The following ATP9B variants were observed in gnomAD, a reference collection of about 807,000 sequenced individuals.
ATP9B encodes probable phospholipid-transporting ATPase IIB.
A neutral mutation model predicts 146.1 loss-of-function variants in ATP9B; 110 were observed. That is an observed-to-expected ratio of 0.75 (90% CI 0.65 to 0.88). ATP9B has a LOEUF of 0.88. Among genes scored for constraint, ATP9B ranks in the 40% least tolerant of loss-of-function variants. The pLI, the probability that ATP9B is intolerant of heterozygous loss-of-function variation, is 0.00. For synonymous variants in ATP9B, 604 were observed against 569.7 expected (o/e 1.06, Z -0.86); for missense variants, 1,499 against 1,496.4 (o/e 1.00, Z -0.03).
At chr18:79,317,722 G>A (rs956876061) in intron 15 of ATP9B, among the ~76,000 whole-genome samples, 2 of 152,194 alleles carry the variant, frequency 1.3e-5, no homozygotes, top group African/African-American at 4.8e-5. Context: ...TGGCAGCAGT[G>A]GGATGACTGC....
At chr18:79,100,945 C>T (rs1243504915) in intron 2 of ATP9B, among the ~76,000 whole-genome samples, 5 of 152,170 alleles carry the variant, frequency 3.3e-5, no homozygotes, top group Non-Finnish European at 7.4e-5. Context: ...TCAATCACCT[C>T]CCACAACAGG....
At chr18:79,348,938 C>T (rs547318222) in intron 25 of ATP9B, among the ~76,000 whole-genome samples, 4 of 152,336 alleles carry the variant, frequency 2.6e-5, no homozygotes, top group Admixed American at 6.5e-5. Flanking sequence ...GAGCTAAGAT[C>T]GTGCCATTGC....
At chr18:79,074,854 T>G (rs1262272097) in intron 1 of ATP9B, among the ~76,000 whole-genome samples, 2 of 152,244 alleles carry the variant, frequency 1.3e-5, no homozygotes, top group African/African-American at 2.4e-5. Flanking sequence ...CATTATTTTC[T>G]GAAGTTGGGT....
chr18:79,169,229 TG>T (rs2095032297), intron 7 of ATP9B, among the ~76,000 whole-genome samples: 1 of 152,208 alleles, frequency 6.6e-6, no homozygotes, highest in Non-Finnish European at 1.5e-5. Context: ...TTTCTGAGGC[TG>T]GGCTATTTGT....
chr18:79,214,012 A>C lies in ATP9B; in HGVS notation c.1081A>C (p.Met361Leu). 6.2e-7 allele frequency: 1 copy of C among 1,603,920 alleles called. No homozygotes were observed. Among genetic ancestry groups the C allele is most frequent in the South Asian group, 1.1e-5 (1 of 88,984 alleles). The change falls in exon 11 of 30, where the codon ATG becomes CTG. Residue 361 changes from methionine (M) to leucine (L), a missense_variant. Physicochemically the swap from Met to Leu is conservative, Grantham distance 15. Coordinates refer to ENST00000426216, the MANE Select transcript of ATP9B (RefSeq NM_198531.5). Reference protein sequence around the residue: ...IYTGKETRSVMNTSNPKNKVG... With the variant: ...IYTGKETRSVLNTSNPKNKVG... ...TACCGGAAAAGAGACTCGAAGTGTA[A>C]TGAACACATCCAATCCAAAAAATAA...
chr18:79,181,706 A>C (rs9966492), intron 8 of ATP9B, among the ~76,000 whole-genome samples: 1 of 151,892 alleles, frequency 6.6e-6, no homozygotes. Context: ...AGCCCACCCA[A>C]TGAATTTTGT....
At chr18:79,345,866 T>A (rs200252292) in intron 23 of ATP9B, 27 bp downstream of exon 23, 1 of 1,612,766 alleles carries the variant, frequency 6.2e-7, no homozygotes, top group East Asian at 2.2e-5. Context: ...ATCAACACAT[T>A]AGCACACAGT....
chr18:79,310,904 A>G (rs1371509236), intron 15 of ATP9B, among the ~76,000 whole-genome samples: 1 of 149,636 alleles, frequency 6.7e-6, no homozygotes, highest in Non-Finnish European at 1.5e-5. Context: ...TCATCCCAGC[A>G]CTTTGGGAGG....
chr18:79,330,238 C>T, intron 17 of ATP9B, 134 bp downstream of exon 17: 2 of 762,038 alleles, frequency 2.6e-6, no homozygotes, highest in Non-Finnish European at 4.4e-6. Flanking sequence ...CTTTCCCCAG[C>T]TTGCAGACAC....
intron 5 of ATP9B, among the ~76,000 whole-genome samples, chr18:79,139,873 G>T (rs1156982853): frequency 6.6e-6 from 1 of 152,206 alleles, no homozygotes; most frequent in African/African-American, 2.4e-5. Context: ...CTGTCTCCAT[G>T]AGTTTAATTT....
intron 1 of ATP9B, chr18:79,087,579 A>C (rs1027541566): frequency 6.6e-6 from 1 of 152,344 alleles, no homozygotes; most frequent in South Asian, 2.1e-4. Flanking sequence ...TGAGCATTAG[A>C]CATGTTTTAA....
chr18:79,355,651 T>C (rs1352685385), intron 25 of ATP9B, among the ~76,000 whole-genome samples: 1 of 149,394 alleles, frequency 6.7e-6, no homozygotes, highest in African/African-American at 2.5e-5. Context: ...CCCCGGCCGC[T>C]GTACCGTTTG....
chr18:79,071,550 T>C (rs1209155612), intron 1 of ATP9B, among the ~76,000 whole-genome samples: 2 of 151,774 alleles, frequency 1.3e-5, no homozygotes, highest in African/African-American at 4.8e-5. Flanking sequence ...CCTGGCTAAT[T>C]AAAAAAAATT....
At position 79,236,470 on chromosome 18, in the gene ATP9B, A is replaced by G. The variant is rs73971591; in HGVS notation, c.1108-16911A>G. On this transcript the variant is annotated intron_variant, in intron 11 of 29. Coordinates refer to ENST00000426216, the MANE Select transcript of ATP9B (RefSeq NM_198531.5). ...ACTCTCAGTTGTAACATTGTTTATC[A>G]ACCTTTTTTTTTTATGGTTTAAGAA... is the stretch of plus-strand genomic sequence containing the variant. 5.2e-3 allele frequency among the ~76,000 whole-genome samples: 779 copies of G among 148,844 alleles called. 11 individuals are homozygous for G. The highest frequency in any genetic ancestry group is 0.017 in the African/African-American group (708 of 40,848).
At chr18:79,269,676 T>C (rs1250698721) in intron 12 of ATP9B, among the ~76,000 whole-genome samples, 2 of 152,136 alleles carry the variant, frequency 1.3e-5, no homozygotes, top group Non-Finnish European at 2.9e-5. Context: ...AAAAACTAAT[T>C]ATAGGAATCA....
chr18:79,367,324 CAGAG>C (rs1396013552), intron 26 of ATP9B, among the ~76,000 whole-genome samples: 2 of 138,972 alleles, frequency 1.4e-5, no homozygotes, highest in Non-Finnish European at 1.6e-5. Flanking sequence ...CGTGTGTACG[CAGAG>C]AAAGTGCCTC....
At chr18:79,105,201 CTTTG>C (rs2075575213) in intron 2 of ATP9B, among the ~76,000 whole-genome samples, 1 of 152,140 alleles carries the variant, frequency 6.6e-6, no homozygotes, top group African/African-American at 2.4e-5. Flanking sequence ...GATTGGTCTT[CTTTG>C]TTTCTTATAA....
intron 2 of ATP9B, among the ~76,000 whole-genome samples, chr18:79,103,343 A>G (rs2075424893): frequency 6.6e-6 from 1 of 151,736 alleles, no homozygotes; most frequent in Non-Finnish European, 1.5e-5. Flanking sequence ...AAGTGGTCTA[A>G]TACATAGTTT....
Position 79,369,096 on chromosome 18 carries a change from A to G in ATP9B, c.3013-3729A>G, listed in dbSNP as rs144935492. 7.7e-3 allele frequency among the ~76,000 whole-genome samples: 1,177 copies of G among 152,268 alleles called. 20 individuals are homozygous for G. The highest frequency in any genetic ancestry group is 0.027 in the African/African-American group (1,124 of 41,530). Reference sequence around the variant, plus strand: ...CCACACTCCCAAACTTCTCTCAAATAATTACAATTATGGGAACAGGCGAAA... The same window carrying G: ...CCACACTCCCAAACTTCTCTCAAATGATTACAATTATGGGAACAGGCGAAA... On this transcript the variant is annotated intron_variant, in intron 26 of 29. Transcript: ENST00000426216.
Sources: gnomAD v4.1 joint callset for allele counts (sites outside exome capture counted in the v4.1 genomes callset) on GRCh38, gnomAD v4.1.1 for gene constraint, MANE v1.5 for transcripts, NCBI Gene and HGNC (gene_info 2026-07-23, HGNC 2026-07-21) for gene names.